The following MYO3A variants were observed in gnomAD, a reference collection of about 807,000 sequenced individuals.
MYO3A encodes the protein myosin-IIIa.
A neutral mutation model predicts 192.7 loss-of-function variants in MYO3A; 180 were observed. The ratio of observed to expected loss-of-function variants is 0.93; its 90% CI spans 0.83 to 1.06. The LOEUF (loss-of-function observed/expected upper bound fraction) is 1.06. Ranked by LOEUF, MYO3A falls within the 50% of genes least tolerant of loss-of-function variation. The pLI, the probability that MYO3A is intolerant of heterozygous loss-of-function variation, is 0.00. For synonymous variants in MYO3A, 628 were observed against 645.3 expected (o/e 0.97, Z 0.41); for missense variants, 1,896 against 1,905.0 (o/e 1.00, Z 0.09).
intron 20 of MYO3A, among the ~76,000 whole-genome samples, chr10:26,142,058 T>C (rs1840194832): frequency 6.6e-6 from 1 of 152,236 alleles, no homozygotes; most frequent in Non-Finnish European, 1.5e-5. Context: ...ACTCACATTA[T>C]TTCAAATTAT....
At chr10:25,982,958 C>T (rs1035650860) in intron 4 of MYO3A, among the ~76,000 whole-genome samples, 5 of 151,870 alleles carry the variant, frequency 3.3e-5, no homozygotes, top group African/African-American at 7.3e-5. Context: ...CTCTGAATTG[C>T]CAGAAAAAGA....
intron 4 of MYO3A, among the ~76,000 whole-genome samples, chr10:25,989,121 T>A (rs910424901): frequency 1.3e-5 from 2 of 151,624 alleles, no homozygotes; most frequent in African/African-American, 4.8e-5. Flanking sequence ...TATAAAAAAA[T>A]TTTTTTAGAG....
At chr10:25,981,035 G>T (rs1035516456) in intron 4 of MYO3A, among the ~76,000 whole-genome samples, 1 of 151,946 alleles carries the variant, frequency 6.6e-6, no homozygotes, top group African/African-American at 2.4e-5. Flanking sequence ...AGCAATTACT[G>T]ATCTTTTCAT....
In MYO3A at chr10:26,212,013, G is replaced by A. The variant is rs1589132385; in HGVS notation, c.*50G>A. The A allele has an allele frequency of 6.3e-7, 1 of 1,594,556 alleles. No homozygotes were observed. The highest frequency in any genetic ancestry group is 2.3e-5 in the East Asian group (1 of 44,336). ...GTCGGAAGGCGCTGGAGCCTGCGGG[G>A]CAGCAGGGGCCAAGCAGGCACTCTG... On this transcript the variant is annotated 3_prime_UTR_variant, in exon 35 of 35. Transcript: ENST00000642920.
At chr10:25,998,280 A>G (rs1840575620) in intron 6 of MYO3A, among the ~76,000 whole-genome samples, 1 of 152,170 alleles carries the variant, frequency 6.6e-6, no homozygotes, top group Non-Finnish European at 1.5e-5. Flanking sequence ...CAGCAAGTTA[A>G]TGGGTTAATT....
chr10:26,150,235 G>C (rs1475200219), intron 23 of MYO3A, among the ~76,000 whole-genome samples: 1 of 152,144 alleles, frequency 6.6e-6, no homozygotes, highest in African/African-American at 2.4e-5. Flanking sequence ...GCTGAATTCA[G>C]TTTGCAAACA....
chr10:25,939,218 T>G (rs1459589095), intron 2 of MYO3A, among the ~76,000 whole-genome samples: 3 of 152,056 alleles, frequency 2.0e-5, no homozygotes, highest in Admixed American at 6.5e-5. Context: ...TTTTCATCCT[T>G]AATGTTGCAC....
intron 2 of MYO3A, among the ~76,000 whole-genome samples, chr10:25,950,347 G>T (rs1837131799): frequency 1.3e-5 from 2 of 152,012 alleles, no homozygotes; most frequent in Non-Finnish European, 2.9e-5. Context: ...TGTAAAATTT[G>T]GTAGGAGAAG....
rs758035772 is a variant in MYO3A, at chr10:26,026,512, G to A, written c.933G>A (p.Met311Ile). Reference protein sequence around the residue: ...LTEFIGIHQCMGGTEKARRER... With the variant: ...LTEFIGIHQCIGGTEKARRER... ...AATTCATTGGCATCCATCAATGCAT[G>A]GGAGGCACAGAAAAGGCCAGGTAAT... Residue 311 changes from methionine to isoleucine, a missense_variant, in exon 10 of 35, where the codon ATG becomes ATA. Physicochemically the swap from Met to Ile is conservative, Grantham distance 10. Coordinates refer to ENST00000642920, the MANE Select transcript of MYO3A (RefSeq NM_017433.5). 1.9e-6 allele frequency: 3 copies of A among 1,614,114 alleles called. No homozygotes were observed. In the South Asian group the frequency reaches 3.3e-5, roughly 18 times the overall value.
At chr10:26,068,980 G>A in intron 12 of MYO3A, 96 bp downstream of exon 12, 1 of 842,386 alleles carries the variant, frequency 1.2e-6, no homozygotes, top group Non-Finnish European at 2.0e-6. Context: ...ATTTTATCCA[G>A]TATTTTGAAT....
intron 17 of MYO3A, among the ~76,000 whole-genome samples, chr10:26,114,768 T>C (rs1381783793): frequency 6.6e-6 from 1 of 152,174 alleles, no homozygotes; most frequent in Admixed American, 6.5e-5. Flanking sequence ...GTGCTAAAAG[T>C]TAGAGATGTG....
intron 20 of MYO3A, among the ~76,000 whole-genome samples, chr10:26,140,672 G>A (rs1207709181): frequency 2.0e-5 from 3 of 147,878 alleles, no homozygotes; most frequent in African/African-American, 7.5e-5. Flanking sequence ...GTGACAGAGC[G>A]AGACTCTGTC....
At chr10:26,062,003 A>T (rs1050905516) in intron 10 of MYO3A, among the ~76,000 whole-genome samples, 7 of 151,938 alleles carry the variant, frequency 4.6e-5, no homozygotes, top group African/African-American at 1.7e-4. Flanking sequence ...CAATTCAGCA[A>T]ATGTGGAGAC....
intron 34 of MYO3A, among the ~76,000 whole-genome samples, chr10:26,210,870 C>T (rs1314621463): frequency 6.6e-6 from 1 of 152,068 alleles, no homozygotes; most frequent in Non-Finnish European, 1.5e-5. Flanking sequence ...AATTACTGCC[C>T]TTCCCCACGA....
At chr10:26,013,089 T>C (rs916342857) in intron 6 of MYO3A, among the ~76,000 whole-genome samples, 4 of 152,172 alleles carry the variant, frequency 2.6e-5, no homozygotes, top group Non-Finnish European at 4.4e-5. Context: ...AGAATGAAAC[T>C]GGAACTCTAT....
chr10:26,120,101 C>T (rs945985182), intron 17 of MYO3A, among the ~76,000 whole-genome samples: 9 of 151,414 alleles, frequency 5.9e-5, no homozygotes, highest in African/African-American at 1.5e-4. Flanking sequence ...GAGGCAGAGG[C>T]GGTAGTGAGC....
intron 2 of MYO3A, among the ~76,000 whole-genome samples, chr10:25,938,196 G>C (rs1029338421): frequency 6.6e-6 from 1 of 152,116 alleles, no homozygotes; most frequent in Non-Finnish European, 1.5e-5. Context: ...ACTGTGTATG[G>C]TCCTGCTGAT....
chr10:26,025,093 A>G (rs915413382), intron 9 of MYO3A, among the ~76,000 whole-genome samples: 1 of 152,214 alleles, frequency 6.6e-6, no homozygotes, highest in Non-Finnish European at 1.5e-5. Flanking sequence ...GAATACATAG[A>G]TACAATTACT....
In MYO3A at chr10:26,057,692, A is replaced by T. The variant is rs936804586; in HGVS notation, c.954-9283A>T. The stretch of plus-strand genomic sequence containing the variant: ...AGTCGTGAGTTTTGTGACCACAAAT[A>T]AGCAACACTGGAGCTGAAGAGAAGT... On this transcript the variant is annotated intron_variant, in intron 10 of 34. Transcript: ENST00000642920. 1.3e-5 allele frequency among the ~76,000 whole-genome samples: 2 copies of T among 152,220 alleles called. 1 individual carries two copies. Among genetic ancestry groups the T allele is most frequent in the South Asian group, 4.1e-4 (2 of 4,832 alleles).
Sources: gnomAD v4.1 joint callset for allele counts (sites outside exome capture counted in the v4.1 genomes callset) on GRCh38, gnomAD v4.1.1 for gene constraint, MANE v1.5 for transcripts, NCBI Gene and HGNC (gene_info 2026-07-23, HGNC 2026-07-21) for gene names.